The following ARB2A variants were observed in gnomAD, a reference collection of about 807,000 sequenced individuals.
The protein encoded by ARB2A is ARB2 cotranscriptional regulator A, also known as cotranscriptional regulator ARB2A.
At chr5:93,964,338 C>A in the ARB2A span, 1 of 657,628 alleles carries the variant, frequency 1.5e-6, no homozygotes, top group Non-Finnish European at 2.6e-6. Flanking sequence ...CACAATAAAC[C>A]CTAACATTTA....
the ARB2A span, among the ~76,000 whole-genome samples, chr5:93,767,993 C>CAAA: frequency 1.8e-3 from 38 of 20,954 alleles, 4 homozygotes; most frequent in African/African-American, 2.7e-3. Flanking sequence ...GACTCCATCT[C>CAAA]AAAAAAAAAA....
chr5:93,872,745 G>A, the ARB2A span, among the ~76,000 whole-genome samples: 2 of 151,956 alleles, frequency 1.3e-5, no homozygotes, highest in South Asian at 2.1e-4. Flanking sequence ...GTGATACCCC[G>A]TCTCTACTAA....
chr5:94,015,259 G>GA, the ARB2A span, among the ~76,000 whole-genome samples: 2 of 152,012 alleles, frequency 1.3e-5, no homozygotes, highest in Admixed American at 1.3e-4. Context: ...ACTGATGAAA[G>GA]AAAAACAACT....
At chr5:93,718,167 C>T in the ARB2A span, among the ~76,000 whole-genome samples, 40 of 152,030 alleles carry the variant, frequency 2.6e-4, no homozygotes, top group African/African-American at 7.9e-4. Flanking sequence ...CTCGGCTGGG[C>T]GCGGTGGCTC....
chr5:93,619,857 T>C, the ARB2A span: 1 of 152,214 alleles, frequency 6.6e-6, no homozygotes, highest in Non-Finnish European at 1.5e-5. Context: ...AGAAATTCTT[T>C]CACACCAAGT....
At chr5:94,052,356 A>T in the ARB2A span, among the ~76,000 whole-genome samples, 2 of 152,218 alleles carry the variant, frequency 1.3e-5, no homozygotes, top group Non-Finnish European at 2.9e-5. Flanking sequence ...CAGAGAAAAG[A>T]TCAAAGTTTC....
the ARB2A span, among the ~76,000 whole-genome samples, chr5:93,693,575 C>CA: frequency 2.6e-5 from 4 of 151,304 alleles, no homozygotes; most frequent in Admixed American, 6.6e-5. Flanking sequence ...GCCTACCAAC[C>CA]AAAAAAAAAA....
At chr5:93,816,581 T>A in the ARB2A span, among the ~76,000 whole-genome samples, 2 of 152,144 alleles carry the variant, frequency 1.3e-5, no homozygotes, top group Non-Finnish European at 2.9e-5. Flanking sequence ...GGGAAGGCAG[T>A]AGGACCTGAA....
the ARB2A span, among the ~76,000 whole-genome samples, chr5:93,627,004 A>T: frequency 6.6e-6 from 1 of 152,208 alleles, no homozygotes; most frequent in Admixed American, 6.5e-5. Context: ...GCAATATTCA[A>T]AATTCTTTGT....
the ARB2A span, chr5:93,621,120 C>A: frequency 3.1e-6 from 5 of 1,610,948 alleles, no homozygotes; most frequent in Admixed American, 6.7e-5. Context: ...TAGCTCGTGA[C>A]GGTCGGTGCC....
At chr5:93,656,336 T>C in the ARB2A span, among the ~76,000 whole-genome samples, 4 of 152,220 alleles carry the variant, frequency 2.6e-5, no homozygotes, top group African/African-American at 9.6e-5. Context: ...AATGCACATT[T>C]TGCTTCTAAC....
At chr5:93,808,258 T>C in the ARB2A span, among the ~76,000 whole-genome samples, 6 of 152,030 alleles carry the variant, frequency 3.9e-5, no homozygotes, top group African/African-American at 1.4e-4. Context: ...GAAGAAAATA[T>C]CACAAGAGAA....
At chr5:93,932,585 T>A in the ARB2A span, among the ~76,000 whole-genome samples, 1 of 152,238 alleles carries the variant, frequency 6.6e-6, no homozygotes, top group South Asian at 2.1e-4. Context: ...TGAAATATAT[T>A]TATACTAATA....
the ARB2A span, among the ~76,000 whole-genome samples, chr5:94,110,303 T>C: frequency 5.9e-5 from 9 of 152,222 alleles, no homozygotes; most frequent in Non-Finnish European, 1.0e-4. Flanking sequence ...ACTGCTGTCT[T>C]CCCATCACCT....
the ARB2A span, among the ~76,000 whole-genome samples, chr5:93,825,059 GTT>G: frequency 2.0e-5 from 3 of 152,132 alleles, no homozygotes; most frequent in African/African-American, 7.2e-5. Flanking sequence ...GTAAAGCCAT[GTT>G]TCATCTCCCG....
chr5:93,705,609 A>ATG, the ARB2A span, among the ~76,000 whole-genome samples: 12,567 of 128,460 alleles, frequency 0.098, 626 homozygotes, highest in East Asian at 0.14. Context: ...TTGGGAAAAA[A>ATG]TGTGTGTGTG....
At chr5:94,010,774 T>G in the ARB2A span, among the ~76,000 whole-genome samples, 1 of 152,062 alleles carries the variant, frequency 6.6e-6, no homozygotes, top group Non-Finnish European at 1.5e-5. Context: ...TATTATTATT[T>G]TAATGGTAGG....
chr5:93,779,672 C>A, the ARB2A span, among the ~76,000 whole-genome samples: 2 of 152,080 alleles, frequency 1.3e-5, no homozygotes, highest in Non-Finnish European at 2.9e-5. Context: ...TTGGCCAGGG[C>A]GGGCAGATAG....
At chr5:93,983,100 T>C in the ARB2A span, among the ~76,000 whole-genome samples, 2 of 152,012 alleles carry the variant, frequency 1.3e-5, no homozygotes, top group Non-Finnish European at 1.5e-5. Context: ...AATATTTTAA[T>C]CTTACGGAGC....
Sources: gnomAD v4.1 joint callset for allele counts (sites outside exome capture counted in the v4.1 genomes callset) on GRCh38, gnomAD v4.1.1 for gene constraint, MANE v1.5 for transcripts, NCBI Gene and HGNC (gene_info 2026-07-23, HGNC 2026-07-21) for gene names.